The following PIN4 variants were observed in gnomAD, a reference collection of about 807,000 sequenced individuals.
PIN4 encodes peptidylprolyl cis/trans isomerase, NIMA-interacting 4.
PIN4 carries 3 observed loss-of-function variants against 8.3 expected under a neutral mutation model. The ratio of observed to expected loss-of-function variants is 0.36; its 90% CI spans 0.16 to 0.93. The LOEUF is 0.93. Ranked by LOEUF, PIN4 falls within the 40% of genes least tolerant of loss-of-function variation. The probability of loss-of-function intolerance (pLI) is 0.44; values close to 1 mark genes in which losing one functional copy is unlikely to be tolerated. For missense variants in PIN4, 75 were observed against 100.6 expected (o/e 0.75, Z 1.09); for synonymous variants, 18 against 32.5 (o/e 0.55, Z 1.52).
chrX:72,184,471 C>CCG (rs1556391117), intron 1 of PIN4, among the ~76,000 whole-genome samples: 19 of 109,222 alleles, frequency 1.7e-4, no homozygotes, highest in Non-Finnish European at 2.7e-4. Context: ...AGACCTAGAA[C>CCG]TGAGATTCCC....
intron 3 of PIN4, among the ~76,000 whole-genome samples, chrX:72,225,802 G>A (rs6624613): frequency 0.45 from 49,418 of 109,502 alleles, 10,380 homozygotes; most frequent in East Asian, 0.98. Flanking sequence ...AGATCCTTTC[G>A]TCTATATTTA....
At chrX:72,225,266 C>G (rs2042947662) in intron 3 of PIN4, among the ~76,000 whole-genome samples, 1 of 112,132 alleles carries the variant, frequency 8.9e-6, no homozygotes, top group Non-Finnish European at 1.9e-5. Context: ...GGACTGTCCT[C>G]CCCCAGGGGT....
intron 3 of PIN4, among the ~76,000 whole-genome samples, chrX:72,237,172 A>T (rs1486089027): frequency 8.9e-6 from 1 of 111,746 alleles, no homozygotes; most frequent in African/African-American, 3.3e-5. Context: ...TGCCTATTAC[A>T]ACAAAAGTAT....
chrX:72,256,599 A>G (rs1043059469), intron 3 of PIN4, among the ~76,000 whole-genome samples: 1 of 111,692 alleles, frequency 9.0e-6, no homozygotes. Context: ...ATCATGTTGA[A>G]TCAAATATCT....
intron 3 of PIN4, chrX:72,207,025 A>G: frequency 8.3e-7 from 1 of 1,211,666 alleles, no homozygotes; most frequent in Non-Finnish European, 1.1e-6. Context: ...TAGCCTATAA[A>G]CCACAACATT....
At chrX:72,240,014 T>C in intron 3 of PIN4, among the ~76,000 whole-genome samples, 2 of 96,712 alleles carry the variant, frequency 2.1e-5, no homozygotes, top group East Asian at 6.5e-4. Context: ...TCTCAAACCC[T>C]GGAGGTGGAG....
intron 3 of PIN4, among the ~76,000 whole-genome samples, chrX:72,243,826 T>C (rs182069372): frequency 8.9e-6 from 1 of 112,141 alleles, no homozygotes; most frequent in East Asian, 2.8e-4. Flanking sequence ...CTTTTAATCC[T>C]TAACAACAAC....
At chrX:72,199,781 A>G (rs2042782825), downstream of PIN4, among the ~76,000 whole-genome samples, 1 of 101,507 alleles carries the variant, frequency 9.9e-6, no homozygotes, top group Non-Finnish European at 2.0e-5. Context: ...AGTTATAGCT[A>G]GCCTGTGAGA....
chrX:72,219,877 A>G (rs2042912911), intron 3 of PIN4, among the ~76,000 whole-genome samples: 1 of 109,960 alleles, frequency 9.1e-6, no homozygotes, highest in African/African-American at 3.3e-5. Context: ...CCTCCACTAT[A>G]ATGTTGAATT....
At chrX:72,186,904 C>T (rs1569488211) in intron 2 of PIN4, among the ~76,000 whole-genome samples, 2 of 111,028 alleles carry the variant, frequency 1.8e-5, no homozygotes, top group East Asian at 5.6e-4. Flanking sequence ...CCAGCCTGGG[C>T]AACAGAGTAA....
intron 2 of PIN4, among the ~76,000 whole-genome samples, chrX:72,192,015 G>C (rs750114789): frequency 9.1e-6 from 1 of 110,367 alleles, no homozygotes; most frequent in Non-Finnish European, 1.9e-5. Context: ...GCAGTGGCGC[G>C]ATCTTGGCTC....
At chrX:72,226,371 C>T (rs1461720572) in intron 3 of PIN4, among the ~76,000 whole-genome samples, 1 of 111,794 alleles carries the variant, frequency 8.9e-6, no homozygotes, top group Non-Finnish European at 1.9e-5. Flanking sequence ...GAGGCTGCCC[C>T]CTTGCCTTTG....
intron 3 of PIN4, among the ~76,000 whole-genome samples, chrX:72,257,052 G>A (rs2043114152): frequency 8.9e-6 from 1 of 112,355 alleles, no homozygotes; most frequent in Non-Finnish European, 1.9e-5. Context: ...TGGGTGTTGT[G>A]GCTCACGCCT....
downstream of PIN4, among the ~76,000 whole-genome samples, chrX:72,201,190 G>A (rs1177836093): frequency 1.8e-5 from 2 of 110,313 alleles, no homozygotes; most frequent in Non-Finnish European, 3.8e-5. Flanking sequence ...TGACAAGAGC[G>A]AGACCCTGTC....
At position 72,190,846 on chromosome X, in the gene PIN4, G is replaced by A. The variant is rs1439280429; in HGVS notation, c.117+4312G>A. 5.6e-5 allele frequency among the ~76,000 whole-genome samples: 6 copies of A among 107,940 alleles called. No individual in the cohort carries two copies. The East Asian group carries it at 8.7e-4, about 16-fold the overall frequency. The allele number at this position is 107,940 out of a possible 115,157, so 93.7% of individuals were successfully genotyped here. On this transcript the variant is annotated intron_variant, in intron 2 of 3. Transcript: ENST00000373669. ...CGGGTGCCTATAATCCCAGCTACTC[G>A]GGAGGCTGAGGCAGGAGAATCACTT...
At chrX:72,259,443 C>T (rs1224883529) in intron 3 of PIN4, among the ~76,000 whole-genome samples, 1 of 110,120 alleles carries the variant, frequency 9.1e-6, no homozygotes, top group Non-Finnish European at 1.9e-5. Flanking sequence ...TGGTCTCGAA[C>T]TCCTCATCTC....
At chrX:72,209,719 C>G (rs967599083) in intron 3 of PIN4, among the ~76,000 whole-genome samples, 1 of 111,622 alleles carries the variant, frequency 9.0e-6, no homozygotes, top group Non-Finnish European at 1.9e-5. Context: ...CTTGCCCCTC[C>G]AATACACACT....
chrX:72,251,694 T>C (rs756281407), intron 3 of PIN4, among the ~76,000 whole-genome samples: 4 of 110,573 alleles, frequency 3.6e-5, no homozygotes, highest in Non-Finnish European at 5.7e-5. Context: ...TTTTTCGAGG[T>C]AGGGAAGAAG....
At chrX:72,191,551 AAAAAAC>A (rs10590020) in intron 2 of PIN4, among the ~76,000 whole-genome samples, 28,193 of 110,239 alleles carry the variant, frequency 0.26, 2,902 homozygotes, top group East Asian at 0.49. Context: ...ACTCCATCTC[AAAAAAC>A]AAAAACGAAA....
Sources: allele counts gnomAD v4.1 joint callset (sites outside exome capture counted in the v4.1 genomes callset), GRCh38; gene constraint gnomAD v4.1.1; transcripts MANE v1.5; gene names NCBI Gene and HGNC (gene_info 2026-07-23, HGNC 2026-07-21).